The following CNTNAP5 variants were observed in gnomAD, a reference collection of about 807,000 sequenced individuals.
CNTNAP5 encodes contactin-associated protein-like 5.
CNTNAP5 carries 72 observed loss-of-function variants against 150.2 expected under a neutral mutation model. The observed-to-expected ratio is 0.48, with a 90% CI of 0.40 to 0.58. The LOEUF (loss-of-function observed/expected upper bound fraction) is 0.58, where lower values mean the gene tolerates loss of function less well. Among genes scored for constraint, CNTNAP5 ranks in the 20% least tolerant of loss-of-function variants. CNTNAP5 has a pLI of 0.00. For missense variants in CNTNAP5, 1,636 were observed against 1,626.2 expected, an observed-to-expected ratio of 1.01 and a Z score of -0.10; for synonymous variants, 672 against 619.8, an observed-to-expected ratio of 1.08 and a Z score of -1.25.
intron 1 of CNTNAP5, among the ~76,000 whole-genome samples, chr2:124,061,019 A>T (rs189470946): frequency 2.5e-4 from 38 of 152,096 alleles, no homozygotes; most frequent in Admixed American, 5.9e-4. Context: ...CATTTACTGC[A>T]TCAACCAAGA....
rs140812714 is a variant in CNTNAP5 at position 124,197,136 on chromosome 2, C to T, written c.83-24569C>T. ...ATATGTATAAATTATGTATAAGGTA[C>T]GAATAATCACAAATACATATCTATA... is the stretch of plus-strand genomic sequence containing the variant. On this transcript the variant is annotated intron_variant, in intron 1 of 23. Coordinates refer to ENST00000682447, the MANE Select transcript of CNTNAP5 (RefSeq NM_001367498.1). 9.1e-3 allele frequency among the ~76,000 whole-genome samples: 1,387 copies of T among 152,176 alleles called. 21 individuals are homozygous for T. The highest frequency in any genetic ancestry group is 0.031 in the African/African-American group (1,295 of 41,506).
intron 3 of CNTNAP5, among the ~76,000 whole-genome samples, chr2:124,290,975 A>C (rs2104633780): frequency 6.6e-6 from 1 of 152,178 alleles, no homozygotes; most frequent in African/African-American, 2.4e-5. Flanking sequence ...GAAATGAAAT[A>C]GTATGTGTGA....
At chr2:124,589,809 C>T (rs1696639805) in intron 11 of CNTNAP5, among the ~76,000 whole-genome samples, 1 of 152,158 alleles carries the variant, frequency 6.6e-6, no homozygotes, top group African/African-American at 2.4e-5. Flanking sequence ...TAGACTTGCA[C>T]AATCACTGCC....
At chr2:124,493,958 C>T (rs936612778) in intron 7 of CNTNAP5, among the ~76,000 whole-genome samples, 4 of 76,254 alleles carry the variant, frequency 5.2e-5, no homozygotes, top group African/African-American at 1.6e-4. Flanking sequence ...CAAAAGAAAA[C>T]CATAAATACA....
chr2:124,504,703 ATT>A (rs34518488), intron 8 of CNTNAP5, 147 bp downstream of exon 8: 44,268 of 362,498 alleles, frequency 0.12, 4 homozygotes, highest in East Asian at 0.19. Context: ...AAGAGGCAGC[ATT>A]TTTTTTTTTT....
At chr2:124,848,759 G>C (rs1683099969) in intron 19 of CNTNAP5, among the ~76,000 whole-genome samples, 1 of 152,116 alleles carries the variant, frequency 6.6e-6, no homozygotes, top group Admixed American at 6.6e-5. Context: ...TAGCGATATT[G>C]AGCACCATTT....
At chr2:124,453,882 G>A (rs554747944) in intron 6 of CNTNAP5, among the ~76,000 whole-genome samples, 1 of 152,012 alleles carries the variant, frequency 6.6e-6, no homozygotes, top group South Asian at 2.1e-4. Context: ...GTTAAAAGGA[G>A]CTCTAAATCT....
intron 3 of CNTNAP5, among the ~76,000 whole-genome samples, chr2:124,364,122 G>A (rs76810638): frequency 1.3e-5 from 2 of 152,108 alleles, no homozygotes; most frequent in Non-Finnish European, 2.9e-5. Flanking sequence ...TGGCTACAAA[G>A]TTATACAGGA....
At chr2:124,842,756 TGA>T (rs1003731291) in intron 19 of CNTNAP5, among the ~76,000 whole-genome samples, 2 of 152,136 alleles carry the variant, frequency 1.3e-5, no homozygotes, top group Admixed American at 1.3e-4. Context: ...CTACTTCCTT[TGA>T]GAGTTTTCAA....
At chr2:124,885,702 A>T (rs1678066941) in intron 21 of CNTNAP5, among the ~76,000 whole-genome samples, 1 of 151,894 alleles carries the variant, frequency 6.6e-6, no homozygotes, top group South Asian at 2.1e-4. Flanking sequence ...TATTTCCTAT[A>T]AATGGAACCA....
rs535546053 is a variant in CNTNAP5 at position 124,911,687 on chromosome 2, C to T, written c.3727+149C>T. On this transcript the variant is annotated intron_variant, in intron 23 of 23. Coordinates refer to ENST00000682447, the MANE Select transcript of CNTNAP5 (RefSeq NM_001367498.1). ...GACTGTGGGCTTTTCATGAGTAGTC[C>T]TGTGTGCTGAATGATCAAAAGCACC... 1.3e-4 allele frequency: 81 copies of T among 646,676 alleles called. No homozygotes were observed. The African/African-American group carries it at 1.3e-3, about 10-fold the overall frequency. 40.1% of individuals were successfully genotyped at this position (646,676 alleles called of 1,614,324 possible).
intron 3 of CNTNAP5, among the ~76,000 whole-genome samples, chr2:124,282,992 C>T (rs77654378): frequency 0.076 from 11,406 of 149,164 alleles, 594 homozygotes; most frequent in Non-Finnish European, 0.12. Flanking sequence ...ATGTCCATTG[C>T]TCTTTTTTTT....
chr2:124,607,075 G>A lies in CNTNAP5; in HGVS notation c.1757-2726G>A, dbSNP rs142649722. Among the ~76,000 whole-genome samples the A allele has an allele frequency of 5.0e-3, 765 of 152,236 alleles. 5 individuals are homozygous for A. The highest frequency in any genetic ancestry group is 0.018 in the African/African-American group (730 of 41,536). ...CAACAGTATGAGGGAGGCTCTTTTTGAGTTACTGTAGTCTAATGAGACAAT... is the reference window on the plus strand; with the variant it reads ...CAACAGTATGAGGGAGGCTCTTTTTAAGTTACTGTAGTCTAATGAGACAAT... On this transcript the variant is annotated intron_variant, in intron 11 of 23. Coordinates refer to ENST00000682447, the MANE Select transcript of CNTNAP5 (RefSeq NM_001367498.1).
chr2:124,724,653 C>T (rs1400791462), intron 13 of CNTNAP5, among the ~76,000 whole-genome samples: 2 of 151,948 alleles, frequency 1.3e-5, no homozygotes, highest in East Asian at 3.9e-4. Context: ...ACAGCTGCAT[C>T]CTTATCTCTT....
At chr2:124,188,457 T>C (rs993777144) in intron 1 of CNTNAP5, among the ~76,000 whole-genome samples, 17 of 152,050 alleles carry the variant, frequency 1.1e-4, no homozygotes, top group South Asian at 2.1e-4. Flanking sequence ...CAGTGGCTCA[T>C]GCCTGTAATC....
At chr2:124,260,329 A>G (rs913613981) in intron 3 of CNTNAP5, among the ~76,000 whole-genome samples, 1 of 152,222 alleles carries the variant, frequency 6.6e-6, no homozygotes, top group Admixed American at 6.5e-5. Flanking sequence ...GAAAGCTGAA[A>G]CTGGATCCCT....
intron 13 of CNTNAP5, among the ~76,000 whole-genome samples, chr2:124,745,249 C>A (rs1201066934): frequency 2.6e-5 from 4 of 152,128 alleles, no homozygotes; most frequent in African/African-American, 7.2e-5. Context: ...GTGCTTATAG[C>A]CTTTCGGGTA....
intron 10 of CNTNAP5, among the ~76,000 whole-genome samples, chr2:124,532,046 T>C (rs1172468139): frequency 2.6e-5 from 4 of 152,266 alleles, no homozygotes; most frequent in African/African-American, 7.2e-5. Context: ...TGATTGGCTA[T>C]GTATTGTTAA....
At chr2:124,550,057 G>A (rs1695594745) in intron 10 of CNTNAP5, among the ~76,000 whole-genome samples, 1 of 152,174 alleles carries the variant, frequency 6.6e-6, no homozygotes, top group African/African-American at 2.4e-5. Context: ...AGGGGAGGTG[G>A]GGAAAGATTT....
Sources: allele counts gnomAD v4.1 joint callset (sites outside exome capture counted in the v4.1 genomes callset), GRCh38; gene constraint gnomAD v4.1.1; transcripts MANE v1.5; gene names NCBI Gene and HGNC (gene_info 2026-07-23, HGNC 2026-07-21).